The following CSMD1 variants were observed in gnomAD, a reference collection of about 807,000 sequenced individuals.
CSMD1 encodes the protein CUB and Sushi multiple domains 1, also known as CUB and sushi domain-containing protein 1.
In CSMD1, 213 loss-of-function variants were observed where a neutral mutation model predicts 417.5. The observed-to-expected ratio is 0.51, with a 90% CI of 0.46 to 0.57. The LOEUF (loss-of-function observed/expected upper bound fraction) is 0.57. CSMD1 is among the 20% of genes least tolerant of loss of function. CSMD1 has a pLI of 0.00. For missense variants in CSMD1, 6,923 were observed against 4,529.7 expected, an observed-to-expected ratio of 1.53 and a Z score of -15.17; for synonymous variants, 2,862 against 1,736.8, an observed-to-expected ratio of 1.65 and a Z score of -16.11.
rs1050099966 is a variant in CSMD1 at position 3,407,992 on chromosome 8, G to A, written c.1978C>T (p.Pro660Ser). Residue 660 changes from proline (P) to serine (S), a missense_variant, in exon 14 of 70, where the codon CCT (proline) becomes TCT (serine). Physicochemically the swap from Pro to Ser is moderately conservative, Grantham distance 74. Transcript: ENST00000635120. The stretch of plus-strand genomic sequence containing the variant: ...TGCCCACTGCTGGCCAGCTGGGAAG[G>A]CACTTCATTGCCAGAAAAAGTACCC... The part of the protein sequence containing the change: ...VLGTFSGNEV[P>S]SQLASSGHIV... 6.2e-7 allele frequency: 1 copy of A among 1,613,742 alleles called. No homozygotes were observed. Among genetic ancestry groups the A allele is most frequent in the African/African-American group, 1.3e-5 (1 of 74,894 alleles).
rs556156778 is a variant in CSMD1, at chr8:3,703,458, T to G, written c.1009+4956A>C. On this transcript the variant is annotated intron_variant, in intron 7 of 69. Transcript: ENST00000635120. Reference sequence around the variant, plus strand: ...CCTTTTCATTCATTCATTCATTCATTCATTCATTCATTCATTCATTCATCA... The same window carrying G: ...CCTTTTCATTCATTCATTCATTCATGCATTCATTCATTCATTCATTCATCA... Among the ~76,000 whole-genome samples the G allele has an allele frequency of 1.2e-3, 178 of 152,148 alleles. 3 individuals carry two copies. The Middle Eastern group carries it at 0.024, about 20-fold the overall frequency.
At chr8:4,907,059 G>C (rs1047338087) in intron 1 of CSMD1, among the ~76,000 whole-genome samples, 3 of 152,168 alleles carry the variant, frequency 2.0e-5, no homozygotes, top group African/African-American at 7.2e-5. Context: ...AACAGTGAGA[G>C]AATGTTCTAT....
At chr8:4,550,711 G>A (rs1276183430) in intron 2 of CSMD1, among the ~76,000 whole-genome samples, 1 of 152,092 alleles carries the variant, frequency 6.6e-6, no homozygotes, top group Non-Finnish European at 1.5e-5. Context: ...CTATTATCCA[G>A]TCCACAGTGT....
At chr8:3,411,799 T>C (rs1326225706) in intron 12 of CSMD1, among the ~76,000 whole-genome samples, 1 of 124,386 alleles carries the variant, frequency 8.0e-6, no homozygotes, top group Non-Finnish European at 1.7e-5. Flanking sequence ...TATACACGTA[T>C]ATATACACGT....
chr8:3,795,275 A>G lies in CSMD1; in HGVS notation c.819-41233T>C, dbSNP rs1220750652. On this transcript the variant is annotated intron_variant, in intron 5 of 69. Coordinates refer to ENST00000635120, the MANE Select transcript of CSMD1 (RefSeq NM_033225.6). ...ACATATAGATATATATCTATCATGT[A>G]CAGATATATATATCATGTACAGATA... Among the ~76,000 whole-genome samples the G allele has an allele frequency of 3.5e-5, 2 of 57,838 alleles. 1 individual carries two copies. The highest frequency in any genetic ancestry group is 1.1e-3 in the East Asian group (2 of 1,834). 37.9% of individuals were successfully genotyped at this position (57,838 alleles called of 152,430 possible).
chr8:4,455,419 A>G (rs755025576), intron 2 of CSMD1, among the ~76,000 whole-genome samples: 3 of 152,162 alleles, frequency 2.0e-5, no homozygotes, highest in Non-Finnish European at 4.4e-5. Flanking sequence ...GTGTATCATT[A>G]GAAGGCAAAT....
At chr8:3,528,282 C>T (rs1797836954) in intron 10 of CSMD1, among the ~76,000 whole-genome samples, 1 of 152,170 alleles carries the variant, frequency 6.6e-6, no homozygotes, top group Non-Finnish European at 1.5e-5. Flanking sequence ...TTCTTGTATG[C>T]CACTGAGGTG....
At chr8:3,048,507 G>C (rs948150123) in intron 50 of CSMD1, among the ~76,000 whole-genome samples, 1 of 152,004 alleles carries the variant, frequency 6.6e-6, no homozygotes, top group Non-Finnish European at 1.5e-5. Context: ...TTCAATAAAT[G>C]GTGCTGGAAA....
In CSMD1 at chr8:4,673,466, A is replaced by T. The variant is rs528132500; in HGVS notation, c.86-35908T>A. 1.3e-4 allele frequency among the ~76,000 whole-genome samples: 20 copies of T among 152,246 alleles called. No homozygotes were observed. In the East Asian group the frequency reaches 3.5e-3, roughly 26 times the overall value. On this transcript the variant is annotated intron_variant, in intron 1 of 69. Coordinates refer to ENST00000635120, the MANE Select transcript of CSMD1 (RefSeq NM_033225.6). ...AGGCACACTTGATATCATTGGCCAC[A>T]TTATCTAAAACCTCAGGAAATGATT...
At chr8:3,776,210 G>T (rs1285824442) in intron 5 of CSMD1, among the ~76,000 whole-genome samples, 1 of 152,090 alleles carries the variant, frequency 6.6e-6, no homozygotes, top group African/African-American at 2.4e-5. Flanking sequence ...GCACCGGAGG[G>T]TGCCCTGTGC....
At chr8:3,764,631 A>G (rs1028991283) in intron 5 of CSMD1, among the ~76,000 whole-genome samples, 7 of 152,068 alleles carry the variant, frequency 4.6e-5, no homozygotes, top group Middle Eastern at 3.4e-3. Flanking sequence ...CCACATTGTG[A>G]CTTACCATGT....
chr8:4,133,697 AATAC>A (rs1376382542), intron 3 of CSMD1, among the ~76,000 whole-genome samples: 3 of 62,342 alleles, frequency 4.8e-5, no homozygotes, highest in Non-Finnish European at 1.0e-4. Context: ...TTTACACCAT[AATAC>A]ATAAAGTGTA....
chr8:4,935,060 A>G (rs1179035735), intron 1 of CSMD1, among the ~76,000 whole-genome samples: 2 of 152,204 alleles, frequency 1.3e-5, no homozygotes, highest in Non-Finnish European at 2.9e-5. Flanking sequence ...ATGCAGATAA[A>G]CTTAAAATCC....
intron 3 of CSMD1, among the ~76,000 whole-genome samples, chr8:4,187,089 G>T (rs1183876946): frequency 6.6e-6 from 1 of 152,060 alleles, no homozygotes; most frequent in East Asian, 1.9e-4. Context: ...TTATCTCTAA[G>T]GTCCCTTAAA....
At chr8:4,641,507 T>C (rs575913298) in intron 1 of CSMD1, among the ~76,000 whole-genome samples, 1 of 152,192 alleles carries the variant, frequency 6.6e-6, no homozygotes, top group Non-Finnish European at 1.5e-5. Flanking sequence ...ACATATACTC[T>C]TTGTTGACCG....
At chr8:4,169,119 T>A (rs1183862388) in intron 3 of CSMD1, among the ~76,000 whole-genome samples, 1 of 152,224 alleles carries the variant, frequency 6.6e-6, no homozygotes, top group Non-Finnish European at 1.5e-5. Context: ...TTCTCATCCC[T>A]GTAAGCTCAC....
At chr8:3,640,489 C>T (rs115777739) in intron 7 of CSMD1, among the ~76,000 whole-genome samples, 2,499 of 152,248 alleles carry the variant, frequency 0.016, 70 homozygotes, top group African/African-American at 0.054. Flanking sequence ...TTTGTCTAAT[C>T]AGTTAATGGA....
intron 10 of CSMD1, among the ~76,000 whole-genome samples, chr8:3,519,703 G>C (rs1282883281): frequency 3.3e-5 from 5 of 152,272 alleles, no homozygotes; most frequent in East Asian, 1.9e-4. Context: ...AATGAATAAA[G>C]TGGTGCACGC....
intron 12 of CSMD1, among the ~76,000 whole-genome samples, chr8:3,462,889 G>A (rs945268819): frequency 2.4e-4 from 36 of 152,214 alleles, no homozygotes; most frequent in African/African-American, 6.7e-4. Flanking sequence ...TTCAGAGATG[G>A]GCCAGCCTTT....
Sources: allele counts gnomAD v4.1 joint callset (sites outside exome capture counted in the v4.1 genomes callset), GRCh38; gene constraint gnomAD v4.1.1; transcripts MANE v1.5; gene names NCBI Gene and HGNC (gene_info 2026-07-23, HGNC 2026-07-21).